The following CNTNAP2 variants were observed in gnomAD, a reference collection of about 807,000 sequenced individuals.
The protein encoded by CNTNAP2 is contactin associated protein 2, also known as contactin-associated protein-like 2.
CNTNAP2 carries 98 observed loss-of-function variants against 155.2 expected under a neutral mutation model. The observed-to-expected ratio is 0.63, with a 90% CI of 0.54 to 0.75. The LOEUF (loss-of-function observed/expected upper bound fraction) is 0.75. Among genes scored for constraint, CNTNAP2 ranks in the 30% least tolerant of loss-of-function variants. The probability of loss-of-function intolerance (pLI) is 0.00; values close to 1 mark genes in which losing one functional copy is unlikely to be tolerated. For missense variants in CNTNAP2, 1,727 were observed against 1,688.1 expected (o/e 1.02, Z -0.40); for synonymous variants, 651 against 631.2 (o/e 1.03, Z -0.47).
At chr7:147,378,468 C>T (rs1194095781) in intron 9 of CNTNAP2, among the ~76,000 whole-genome samples, 1 of 151,926 alleles carries the variant, frequency 6.6e-6, no homozygotes, top group African/African-American at 2.4e-5. Flanking sequence ...ATAGATAGAA[C>T]TGAAGGACAT....
At chr7:146,815,893 A>G (rs1347802647) in intron 2 of CNTNAP2, among the ~76,000 whole-genome samples, 5 of 152,214 alleles carry the variant, frequency 3.3e-5, no homozygotes, top group Non-Finnish European at 5.9e-5. Context: ...ATTTCTCTTA[A>G]TGATATCCCT....
intron 21 of CNTNAP2, among the ~76,000 whole-genome samples, chr7:148,328,438 T>C (rs946061634): frequency 6.6e-6 from 1 of 152,168 alleles, no homozygotes; most frequent in Non-Finnish European, 1.5e-5. Context: ...CTGCTGCAGA[T>C]TGTGGGTCAG....
rs12536580 is a variant in CNTNAP2 at position 147,265,061 on chromosome 7, C to T, written c.1349-35080C>T. Among the ~76,000 whole-genome samples, 1,173 of 152,178 alleles carry T rather than the reference C, an allele frequency of 7.7e-3. 62 individuals carry two copies. Among genetic ancestry groups the T allele is most frequent in the Admixed American group, 0.068 (1,034 of 15,280 alleles). On this transcript the variant is annotated intron_variant, in intron 8 of 23. Transcript: ENST00000361727. ...CACCTGAGACCCAGGTCACCCTTAG[C>T]GTTGCTCAGGTTGTACTTCAGAAGG...
chr7:146,714,528 TAACA>T (rs1243103604), intron 1 of CNTNAP2, among the ~76,000 whole-genome samples: 2 of 152,190 alleles, frequency 1.3e-5, no homozygotes, highest in Non-Finnish European at 2.9e-5. Flanking sequence ...AACTTAGGGT[TAACA>T]AACCTATTTA....
At chr7:147,139,537 T>A (rs1342734623) in intron 8 of CNTNAP2, among the ~76,000 whole-genome samples, 1 of 152,068 alleles carries the variant, frequency 6.6e-6, no homozygotes, top group Non-Finnish European at 1.5e-5. Context: ...TGTTGAGAAT[T>A]ACCAGGGATA....
At chr7:147,661,122 C>T (rs971117628) in intron 13 of CNTNAP2, among the ~76,000 whole-genome samples, 1 of 152,118 alleles carries the variant, frequency 6.6e-6, no homozygotes, top group African/African-American at 2.4e-5. Context: ...ATATGCACTT[C>T]CCTCCTCTTC....
chr7:148,160,055 A>G (rs1297421104), intron 17 of CNTNAP2, among the ~76,000 whole-genome samples: 1 of 152,138 alleles, frequency 6.6e-6, no homozygotes, highest in Non-Finnish European at 1.5e-5. Context: ...CCCGGGCAAC[A>G]TGGTGAAACC....
At chr7:147,991,786 G>C (rs564118594) in intron 15 of CNTNAP2, among the ~76,000 whole-genome samples, 1 of 152,178 alleles carries the variant, frequency 6.6e-6, no homozygotes, top group East Asian at 1.9e-4. Context: ...CAATTAGTCA[G>C]TACTTCATGT....
At chr7:146,853,678 TTCTC>T (rs1225160409) in intron 3 of CNTNAP2, among the ~76,000 whole-genome samples, 1 of 152,158 alleles carries the variant, frequency 6.6e-6, no homozygotes, top group Non-Finnish European at 1.5e-5. Context: ...AGTCTTTGCT[TTCTC>T]TATTATACCA....
chr7:146,425,457 T>G (rs1431829315), intron 1 of CNTNAP2, among the ~76,000 whole-genome samples: 1 of 152,212 alleles, frequency 6.6e-6, no homozygotes, highest in Non-Finnish European at 1.5e-5. Context: ...CAATCAGTAT[T>G]GGTAAAGCTG....
chr7:146,575,920 G>A (rs1798517236), intron 1 of CNTNAP2, among the ~76,000 whole-genome samples: 1 of 152,202 alleles, frequency 6.6e-6, no homozygotes, highest in South Asian at 2.1e-4. Flanking sequence ...AGAAAGGAGA[G>A]AGGGAGTGAA....
At position 147,639,280 on chromosome 7, in the gene CNTNAP2, A is replaced by C. The variant is rs1164859486; in HGVS notation, c.2072A>C (p.Lys691Thr). 6.2e-7 allele frequency: 1 copy of C among 1,614,132 alleles called. No individual in the cohort carries two copies. The highest frequency in any genetic ancestry group is 8.5e-7 in the Non-Finnish European group (1 of 1,179,984). The change falls in exon 13 of 24, where the codon AAG becomes ACG. Residue 691 changes from lysine to threonine, a missense_variant. Coordinates refer to ENST00000361727, the MANE Select transcript of CNTNAP2 (RefSeq NM_014141.6). ...YCEQYVSYFC[K>T]MSRLLNTPDG... ...GAGCAGTATGTCTCCTATTTCTGCA[A>C]GATGTCAAGATTGTTGAACACCCCA...
chr7:147,396,587 G>T (rs1446386961), intron 10 of CNTNAP2, among the ~76,000 whole-genome samples: 1 of 151,974 alleles, frequency 6.6e-6, no homozygotes, highest in African/African-American at 2.4e-5. Flanking sequence ...CTCACACAGT[G>T]GGAAGATGCA....
At chr7:147,665,565 C>T (rs904441089) in intron 13 of CNTNAP2, among the ~76,000 whole-genome samples, 14 of 152,124 alleles carry the variant, frequency 9.2e-5, no homozygotes, top group African/African-American at 2.7e-4. Context: ...ATTTCATCAC[C>T]GAGGTATTTC....
intron 1 of CNTNAP2, among the ~76,000 whole-genome samples, chr7:146,403,310 T>A: frequency 6.6e-6 from 1 of 152,184 alleles, no homozygotes; most frequent in East Asian, 1.9e-4. Context: ...ATGACATAAT[T>A]ATAACTTAGA....
intron 13 of CNTNAP2, among the ~76,000 whole-genome samples, chr7:147,761,019 C>T (rs189829825): frequency 1.4e-4 from 21 of 152,194 alleles, no homozygotes; most frequent in African/African-American, 3.6e-4. Context: ...TTATGGATTC[C>T]GGCTGCTGGC....
chr7:147,390,613 T>C (rs1450062216), intron 9 of CNTNAP2, among the ~76,000 whole-genome samples: 1 of 152,086 alleles, frequency 6.6e-6, no homozygotes, highest in Non-Finnish European at 1.5e-5. Flanking sequence ...CTCTCCATCT[T>C]ACTACTTGAG....
chr7:146,502,254 T>TG, intron 1 of CNTNAP2, among the ~76,000 whole-genome samples: 1 of 127,640 alleles, frequency 7.8e-6, no homozygotes, highest in African/African-American at 2.6e-5. Context: ...TATATATATA[T>TG]ATATATGTCA....
chr7:147,302,649 C>T lies in CNTNAP2; in HGVS notation c.1498+2359C>T, dbSNP rs375918618. On this transcript the variant is annotated intron_variant, in intron 9 of 23. Transcript: ENST00000361727. ...GAATGAGAAATTGAATACTTAAAAA[C>T]TTCAAGTGATTCTGATAAACACAGT... is the stretch of plus-strand genomic sequence containing the variant. 1.4e-4 allele frequency among the ~76,000 whole-genome samples: 21 copies of T among 152,198 alleles called. 1 individual carries two copies. The highest frequency in any genetic ancestry group is 8.3e-4 in the South Asian group (4 of 4,834).
Sources: allele counts gnomAD v4.1 joint callset (sites outside exome capture counted in the v4.1 genomes callset), GRCh38; gene constraint gnomAD v4.1.1; transcripts MANE v1.5; gene names NCBI Gene and HGNC (gene_info 2026-07-23, HGNC 2026-07-21).